The following NBDY variants were observed in gnomAD, a reference collection of about 807,000 sequenced individuals.
NBDY encodes the protein P-body dissociating protein.
At chrX:56,746,832 C>A (rs890674349) in intron 2 of NBDY, among the ~76,000 whole-genome samples, 1 of 111,870 alleles carries the variant, frequency 8.9e-6, no homozygotes, top group Non-Finnish European at 1.9e-5. Context: ...GAGTCCCTCT[C>A]ATACTTAGAA....
At chrX:56,815,777 A>G (rs923028232) in intron 2 of NBDY, among the ~76,000 whole-genome samples, 5 of 112,151 alleles carry the variant, frequency 4.5e-5, no homozygotes, top group Non-Finnish European at 9.4e-5. Context: ...AGTAATGTGT[A>G]TAATACAAAC....
At chrX:56,754,867 G>C (rs1172028836) in intron 2 of NBDY, among the ~76,000 whole-genome samples, 2 of 110,704 alleles carry the variant, frequency 1.8e-5, no homozygotes, top group Non-Finnish European at 3.8e-5. Flanking sequence ...ACAGAGAATA[G>C]AAAAACAATA....
intron 2 of NBDY, among the ~76,000 whole-genome samples, chrX:56,735,784 C>T (rs1244552558): frequency 1.8e-5 from 2 of 111,774 alleles, no homozygotes; most frequent in Admixed American, 9.5e-5. Context: ...GGGTTCTAGA[C>T]AGTCCGTCTT....
chrX:56,811,019 G>A (rs2069883274), intron 2 of NBDY: 1 of 113,587 alleles, frequency 8.8e-6, no homozygotes, highest in Non-Finnish European at 1.8e-5. Flanking sequence ...CTCTGCTGCA[G>A]GTCTGCTGGA....
chrX:56,799,983 A>G (rs1165980559), intron 2 of NBDY, among the ~76,000 whole-genome samples: 1 of 107,299 alleles, frequency 9.3e-6, no homozygotes, highest in Non-Finnish European at 1.9e-5. Flanking sequence ...CACCGGGGGC[A>G]GTGTGAGGGG....
chrX:56,807,177 CT>C (rs1294377654), intron 2 of NBDY, among the ~76,000 whole-genome samples: 1 of 111,890 alleles, frequency 8.9e-6, no homozygotes, highest in Non-Finnish European at 1.9e-5. Context: ...GTTTATATAT[CT>C]GTTTTGGTAC....
intron 2 of NBDY, among the ~76,000 whole-genome samples, chrX:56,799,276 GGGAGGATAGGGTGCCCCTGTCCCTGCGT>G (rs1376291140): frequency 8.9e-6 from 1 of 112,883 alleles, no homozygotes; most frequent in African/African-American, 3.2e-5. Flanking sequence ...TTTGTTCCCA[GGGAGGATAGGGTGCCCCTGTCCCTGCGT>G]GGCCCCAGCC....
intron 2 of NBDY, among the ~76,000 whole-genome samples, chrX:56,811,335 C>G (rs946626565): frequency 8.9e-6 from 1 of 112,039 alleles, no homozygotes; most frequent in Non-Finnish European, 1.9e-5. Flanking sequence ...ACGTTTAAAT[C>G]TGCTGAAGCT....
chrX:56,760,721 A>C (rs772368921), intron 2 of NBDY, among the ~76,000 whole-genome samples: 24 of 112,129 alleles, frequency 2.1e-4, no homozygotes, highest in Admixed American at 3.8e-4. Context: ...AATAAAAAAA[A>C]CAAAGAAACA....
At chrX:56,806,290 G>A (rs1320885632) in intron 2 of NBDY, among the ~76,000 whole-genome samples, 1 of 111,981 alleles carries the variant, frequency 8.9e-6, no homozygotes, top group Non-Finnish European at 1.9e-5. Context: ...ATGTGTGCAT[G>A]TCTCTTTAGA....
intron 2 of NBDY, among the ~76,000 whole-genome samples, chrX:56,756,438 A>G (rs904803600): frequency 2.2e-5 from 1 of 46,136 alleles, no homozygotes; most frequent in Non-Finnish European, 5.2e-5. Flanking sequence ...CAACAGCTAA[A>G]AAAGAAAAAA....
intron 2 of NBDY, among the ~76,000 whole-genome samples, chrX:56,810,327 A>G (rs951415905): frequency 1.8e-5 from 2 of 111,255 alleles, no homozygotes; most frequent in African/African-American, 6.5e-5. Flanking sequence ...CTCCTGGATA[A>G]TATCATGAAG....
At chrX:56,784,107 A>C (rs773645000) in intron 2 of NBDY, among the ~76,000 whole-genome samples, 2 of 111,704 alleles carry the variant, frequency 1.8e-5, no homozygotes, top group East Asian at 5.7e-4. Flanking sequence ...AGGTGTGTGG[A>C]TGTGTGGCCC....
intron 2 of NBDY, among the ~76,000 whole-genome samples, chrX:56,758,030 T>C (rs1428181340): frequency 9.0e-6 from 1 of 111,136 alleles, no homozygotes; most frequent in Non-Finnish European, 1.9e-5. Flanking sequence ...AGATCAAAGT[T>C]TGGATTAAAA....
chrX:56,741,977 A>T (rs995063798), intron 2 of NBDY, among the ~76,000 whole-genome samples: 4 of 111,721 alleles, frequency 3.6e-5, no homozygotes, highest in African/African-American at 1.3e-4. Context: ...CTTTGACTTA[A>T]GTCTTTAATA....
intron 2 of NBDY, among the ~76,000 whole-genome samples, chrX:56,784,684 T>C (rs1320721036): frequency 9.0e-6 from 1 of 111,480 alleles, no homozygotes; most frequent in Non-Finnish European, 1.9e-5. Flanking sequence ...GTAGGGCAAC[T>C]GTGCCTTGGT....
intron 2 of NBDY, among the ~76,000 whole-genome samples, chrX:56,786,232 C>T (rs1053690029): frequency 9.0e-6 from 1 of 111,118 alleles, no homozygotes; most frequent in Non-Finnish European, 1.9e-5. Flanking sequence ...TCAGCCTGCA[C>T]CTGTGTCCTC....
intron 2 of NBDY, among the ~76,000 whole-genome samples, chrX:56,787,955 C>T (rs974404180): frequency 3.5e-5 from 4 of 112,812 alleles, no homozygotes; most frequent in African/African-American, 9.7e-5. Context: ...ATAAGACAGC[C>T]GAGTGGCCAG....
rs187212156 is a variant in NBDY at position 56,818,817 on chromosome X, G to A, written c.*1664G>A. 26 of 111,052 alleles carry A rather than the reference G, an allele frequency of 2.3e-4. No homozygotes were observed. Among genetic ancestry groups the A allele is most frequent in the African/African-American group, 7.5e-4 (23 of 30,642 alleles). The allele number at this position is 111,052 out of a possible 1,213,427, so 9.2% of individuals were successfully genotyped here. On this transcript the variant is annotated 3_prime_UTR_variant, in exon 3 of 3. Coordinates refer to ENST00000374922, the MANE Select transcript of NBDY (RefSeq NM_001348129.2). ...AAGCTACAATAAACAAGTCTATGTGGTACTGGCATAGGATATAAATATTGA... is the reference window on the plus strand; with the variant it reads ...AAGCTACAATAAACAAGTCTATGTGATACTGGCATAGGATATAAATATTGA...
Sources: allele counts gnomAD v4.1 joint callset (sites outside exome capture counted in the v4.1 genomes callset), GRCh38; gene constraint gnomAD v4.1.1; transcripts MANE v1.5; gene names NCBI Gene and HGNC (gene_info 2026-07-23, HGNC 2026-07-21).